GUCY1A2: variants seen among roughly 807,000 people sequenced by gnomAD.
GUCY1A2 encodes the protein guanylate cyclase soluble subunit alpha-2.
In GUCY1A2, 27 loss-of-function variants were observed where a neutral mutation model predicts 63.5. The ratio of observed to expected loss-of-function variants is 0.43; its 90% CI spans 0.31 to 0.59. The LOEUF is 0.59. GUCY1A2 is among the 20% of genes least tolerant of loss of function. The pLI is 0.11. For missense variants in GUCY1A2, 768 were observed against 913.3 expected, an observed-to-expected ratio of 0.84 and a Z score of 2.05; for synonymous variants, 364 against 343.5, an observed-to-expected ratio of 1.06 and a Z score of -0.66.
chr11:106,982,570 G>A (rs1436383698), intron 2 of GUCY1A2, among the ~76,000 whole-genome samples: 1 of 152,164 alleles, frequency 6.6e-6, no homozygotes, highest in East Asian at 1.9e-4. Context: ...AACCTGACAC[G>A]ATTGGAGTTT....
chr11:106,825,746 C>T (rs1040530995), intron 4 of GUCY1A2, among the ~76,000 whole-genome samples: 5 of 151,716 alleles, frequency 3.3e-5, no homozygotes, highest in South Asian at 2.1e-4. Context: ...CTAACACTGA[C>T]GATAGCTGAT....
intron 4 of GUCY1A2, among the ~76,000 whole-genome samples, chr11:106,892,025 T>C (rs538467604): frequency 2.0e-5 from 3 of 152,188 alleles, no homozygotes; most frequent in Admixed American, 6.5e-5. Context: ...ATGAACATAG[T>C]ATATTTCAAT....
intron 6 of GUCY1A2, among the ~76,000 whole-genome samples, chr11:106,712,667 C>A (rs1190363392): frequency 6.6e-6 from 1 of 152,092 alleles, no homozygotes; most frequent in East Asian, 1.9e-4. Flanking sequence ...TTGTTCCTTT[C>A]AAGTCTTGCT....
chr11:106,936,649 C>T, intron 4 of GUCY1A2: 2 of 1,519,548 alleles, frequency 1.3e-6, no homozygotes, highest in Non-Finnish European at 8.8e-7. Flanking sequence ...TTTTTTCTAA[C>T]CTCAAGACTG....
chr11:106,866,550 G>T (rs1422002042), intron 4 of GUCY1A2, among the ~76,000 whole-genome samples: 1 of 152,078 alleles, frequency 6.6e-6, no homozygotes, highest in East Asian at 1.9e-4. Context: ...AAAATCGCCA[G>T]TTCCCAAGGT....
intron 3 of GUCY1A2, among the ~76,000 whole-genome samples, chr11:106,970,593 GA>G (rs1861180803): frequency 6.6e-6 from 1 of 152,122 alleles, no homozygotes; most frequent in Non-Finnish European, 1.5e-5. Context: ...CCAATTTCTG[GA>G]AAGGATGAAG....
rs1862380613 is a variant in GUCY1A2 at position 106,678,387 on chromosome 11, A to C, written c.*9162T>G. 4.7e-6 allele frequency: 1 copy of C among 210,934 alleles called. No individual in the cohort carries two copies. The highest frequency in any genetic ancestry group is 7.1e-5 in the East Asian group (1 of 14,152). 13.1% of individuals were successfully genotyped at this position (210,934 alleles called of 1,614,324 possible). ...ACTAGCTGTTTTCATATTTTGCTTCATTTTATGGAAGTTTTAATTTAAAAG... is the reference window on the plus strand; with the variant it reads ...ACTAGCTGTTTTCATATTTTGCTTCCTTTTATGGAAGTTTTAATTTAAAAG... On this transcript the variant is annotated 3_prime_UTR_variant, in exon 8 of 8. Coordinates refer to ENST00000526355, the MANE Select transcript of GUCY1A2 (RefSeq NM_000855.3).
chr11:106,820,922 T>C (rs1034714904), intron 4 of GUCY1A2, among the ~76,000 whole-genome samples: 47 of 152,180 alleles, frequency 3.1e-4, no homozygotes, highest in Non-Finnish European at 6.0e-4. Context: ...ATATAGCCTT[T>C]TAGACAATTT....
chr11:106,967,794 G>A (rs1861145465), intron 3 of GUCY1A2, among the ~76,000 whole-genome samples: 1 of 150,552 alleles, frequency 6.6e-6, no homozygotes, highest in African/African-American at 2.4e-5. Flanking sequence ...GAGGGAGGGA[G>A]GGATAAATAC....
At chr11:106,825,140 T>C (rs1261195785) in intron 4 of GUCY1A2, among the ~76,000 whole-genome samples, 1 of 152,190 alleles carries the variant, frequency 6.6e-6, no homozygotes, top group East Asian at 1.9e-4. Context: ...GAGATCACGA[T>C]TATATAATTT....
chr11:106,783,831 T>C (rs1864508894), intron 5 of GUCY1A2, among the ~76,000 whole-genome samples: 2 of 152,166 alleles, frequency 1.3e-5, no homozygotes, highest in South Asian at 4.1e-4. Context: ...CGCATGACCT[T>C]GGGTGGGGGT....
At chr11:106,777,362 G>C (rs563715020) in intron 5 of GUCY1A2, among the ~76,000 whole-genome samples, 1 of 150,168 alleles carries the variant, frequency 6.7e-6, no homozygotes, top group South Asian at 2.1e-4. Flanking sequence ...CAGGAGAATC[G>C]CTTGAACCCA....
At chr11:106,735,049 T>C (rs1027513257) in intron 6 of GUCY1A2, among the ~76,000 whole-genome samples, 5 of 152,106 alleles carry the variant, frequency 3.3e-5, no homozygotes, top group Non-Finnish European at 7.4e-5. Flanking sequence ...GGTACATAAG[T>C]ATTTCGATAC....
At chr11:106,736,753 G>C (rs923497642) in intron 6 of GUCY1A2, among the ~76,000 whole-genome samples, 1 of 152,004 alleles carries the variant, frequency 6.6e-6, no homozygotes, top group Non-Finnish European at 1.5e-5. Context: ...TGATCCTTCC[G>C]ATCCATTAAT....
intron 4 of GUCY1A2, among the ~76,000 whole-genome samples, chr11:106,860,974 TAAG>T (rs560255886): frequency 3.0e-4 from 45 of 152,098 alleles, no homozygotes; most frequent in African/African-American, 8.4e-4. Flanking sequence ...AGATAAATTT[TAAG>T]AAGGAGGAGG....
At chr11:106,724,792 T>C (rs1176713737) in intron 6 of GUCY1A2, among the ~76,000 whole-genome samples, 2 of 152,292 alleles carry the variant, frequency 1.3e-5, no homozygotes, top group South Asian at 2.1e-4. Flanking sequence ...ACTATCCTCA[T>C]CATCTCTGGC....
chr11:106,711,478 G>T (rs537502624), intron 6 of GUCY1A2, among the ~76,000 whole-genome samples: 2 of 152,228 alleles, frequency 1.3e-5, no homozygotes, highest in Admixed American at 6.5e-5. Context: ...ATAGTTCCTA[G>T]ATGGGTCATC....
At chr11:106,998,682 A>G (rs1861572308) in intron 1 of GUCY1A2, among the ~76,000 whole-genome samples, 1 of 152,174 alleles carries the variant, frequency 6.6e-6, no homozygotes, top group South Asian at 2.1e-4. Context: ...AATTATTCCT[A>G]TAAATAGCAA....
intron 5 of GUCY1A2, among the ~76,000 whole-genome samples, chr11:106,809,308 A>T (rs1858733583): frequency 2.0e-5 from 3 of 152,144 alleles, no homozygotes; most frequent in Admixed American, 2.0e-4. Context: ...GTAAAGTTGT[A>T]GAGTTATTGA....
Sources: gnomAD v4.1 joint callset for allele counts (sites outside exome capture counted in the v4.1 genomes callset) on GRCh38, gnomAD v4.1.1 for gene constraint, MANE v1.5 for transcripts, NCBI Gene and HGNC (gene_info 2026-07-23, HGNC 2026-07-21) for gene names.